The following TFEC variants were observed in gnomAD, a reference collection of about 807,000 sequenced individuals.
TFEC encodes transcription factor EC.
Under a neutral mutation model 41.6 loss-of-function variants are expected in TFEC, and 31 were observed. That is an observed-to-expected ratio of 0.74 (90% confidence interval 0.56 to 1.01). TFEC has a LOEUF of 1.01. Among genes scored for constraint, TFEC ranks in the 50% least tolerant of loss-of-function variants. The pLI, the probability that TFEC is intolerant of heterozygous loss-of-function variation, is 0.00. For missense variants in TFEC, 402 were observed against 404.1 expected (o/e 0.99, Z 0.04); for synonymous variants, 143 against 140.6 (o/e 1.02, Z -0.12).
chr7:115,943,964 T>A lies in TFEC; in HGVS notation c.516-1924A>T, dbSNP rs200426603. Among the ~76,000 whole-genome samples the A allele has an allele frequency of 9.1e-5, 12 of 132,014 alleles. No individual in the cohort carries two copies. The East Asian group carries it at 2.7e-3, about 29-fold the overall frequency. The allele number at this position is 132,014 out of a possible 152,430, so 86.6% of individuals were successfully genotyped here. ...CACTTAAAAGCATTAAAAAATAATT[T>A]TAAAAAAAGATTTTAAAAAGAAAGA... On this transcript the variant is annotated intron_variant, in intron 6 of 7. Coordinates refer to ENST00000265440, the MANE Select transcript of TFEC (RefSeq NM_012252.4).
At chr7:116,127,952 T>A (rs755604656) in intron 1 of TFEC, among the ~76,000 whole-genome samples, 5 of 152,162 alleles carry the variant, frequency 3.3e-5, no homozygotes, top group African/African-American at 4.8e-5. Flanking sequence ...TAAATATATG[T>A]ACAGTCTTTG....
At position 116,026,600 on chromosome 7, in the gene TFEC, A is replaced by G. The variant is rs928830401; in HGVS notation, c.-73+4033T>C. Among the ~76,000 whole-genome samples, 7 of 152,226 alleles carry G rather than the reference A, an allele frequency of 4.6e-5. No individual in the cohort carries two copies. In the East Asian group the frequency reaches 1.3e-3, roughly 29 times the overall value. On this transcript the variant is annotated intron_variant, in intron 1 of 7. Coordinates refer to ENST00000265440, the MANE Select transcript of TFEC (RefSeq NM_012252.4). ...TCTTCCTTCTCCAGAAAATGGTGTCATCAGTCATGTCACTGGGCAGATTCA... is the reference window on the plus strand; with the variant it reads ...TCTTCCTTCTCCAGAAAATGGTGTCGTCAGTCATGTCACTGGGCAGATTCA...
intron 3 of TFEC, among the ~76,000 whole-genome samples, chr7:116,068,205 T>C (rs113355466): frequency 7.2e-4 from 109 of 151,946 alleles, no homozygotes; most frequent in African/African-American, 2.2e-3. Context: ...TGTCGGGGGT[T>C]GGGAGACTTG....
chr7:115,942,673 A>G (rs1038226470), intron 6 of TFEC, among the ~76,000 whole-genome samples: 2 of 152,040 alleles, frequency 1.3e-5, no homozygotes, highest in African/African-American at 2.4e-5. Flanking sequence ...AGCTATTTTT[A>G]AATACATTTA....
chr7:116,077,331 C>T (rs1584487555), intron 3 of TFEC, among the ~76,000 whole-genome samples: 1 of 152,060 alleles, frequency 6.6e-6, no homozygotes, highest in South Asian at 2.1e-4. Flanking sequence ...CTCCTTAAAT[C>T]TCACAAGACC....
intron 2 of TFEC, among the ~76,000 whole-genome samples, chr7:116,111,464 G>A (rs746464486): frequency 3.3e-5 from 5 of 152,060 alleles, no homozygotes; most frequent in African/African-American, 9.6e-5. Flanking sequence ...ACATCTCCCC[G>A]GATGAAAGTT....
At chr7:115,993,170 A>G (rs1219353622) in intron 1 of TFEC, among the ~76,000 whole-genome samples, 1 of 152,234 alleles carries the variant, frequency 6.6e-6, no homozygotes, top group Non-Finnish European at 1.5e-5. Flanking sequence ...TTCATGCTAA[A>G]AACTCTCAAT....
chr7:116,008,774 AAC>A (rs1485565635), intron 1 of TFEC, among the ~76,000 whole-genome samples: 1 of 152,202 alleles, frequency 6.6e-6, no homozygotes, highest in East Asian at 1.9e-4. Context: ...ATTGAGATAT[AAC>A]TACTGAACTA....
chr7:115,944,013 A>ATTTTTTTTTTTTTTTTT (rs1160114562), intron 6 of TFEC, among the ~76,000 whole-genome samples: 623 of 22,822 alleles, frequency 0.027, 153 homozygotes, highest in Non-Finnish European at 0.046. Flanking sequence ...ACAGGTCTGA[A>ATTTTTTTTTTTTTTTTT]TTTTTTTTTT....
chr7:116,081,990 T>A (rs1057113931), intron 3 of TFEC, among the ~76,000 whole-genome samples: 3 of 151,996 alleles, frequency 2.0e-5, no homozygotes, highest in African/African-American at 7.2e-5. Context: ...TCCTTTCTTC[T>A]GCTCAGGAAG....
chr7:116,072,035 T>C (rs368811802), intron 3 of TFEC, among the ~76,000 whole-genome samples: 2 of 151,486 alleles, frequency 1.3e-5, no homozygotes, highest in East Asian at 1.9e-4. Context: ...TCTGGCTTCA[T>C]TGAAAACACA....
chr7:115,980,777 AC>A (rs1793595415), intron 2 of TFEC, among the ~76,000 whole-genome samples: 1 of 150,850 alleles, frequency 6.6e-6, no homozygotes, highest in African/African-American at 2.4e-5. Context: ...AACAAAAAAA[AC>A]AAAAAAAAAC....
chr7:115,937,228 T>C lies in TFEC; in HGVS notation c.*3323A>G, dbSNP rs1342007676. The C allele has an allele frequency of 6.6e-6, 1 of 151,746 alleles. No individual in the cohort carries two copies. Among genetic ancestry groups the C allele is most frequent in the Non-Finnish European group, 1.5e-5 (1 of 67,726 alleles). The allele number at this position is 151,746 out of a possible 1,614,324, so 9.4% of individuals were successfully genotyped here. A position where few individuals can be genotyped will look rare whatever the true frequency, so the allele number is the denominator to read the frequency against. Reference sequence around the variant, plus strand: ...GGAAGTTTTATTATAATTGTAATTATGAATTAAATCTTTAAATGAAAAGGG... The same window carrying C: ...GGAAGTTTTATTATAATTGTAATTACGAATTAAATCTTTAAATGAAAAGGG... On this transcript the variant is annotated 3_prime_UTR_variant, in exon 8 of 8. Transcript: ENST00000265440.
At chr7:115,974,580 G>A (rs1198692139) in intron 2 of TFEC, among the ~76,000 whole-genome samples, 1 of 145,964 alleles carries the variant, frequency 6.9e-6, no homozygotes, top group Non-Finnish European at 1.5e-5. Flanking sequence ...TAGTCTCTTG[G>A]AAATCAGTAT....
chr7:116,123,356 AT>A (rs1798147140), intron 1 of TFEC, among the ~76,000 whole-genome samples: 1 of 151,928 alleles, frequency 6.6e-6, no homozygotes, highest in Non-Finnish European at 1.5e-5. Context: ...TTAGTTTATG[AT>A]TCTAGTTTGT....
intron 3 of TFEC, among the ~76,000 whole-genome samples, chr7:116,103,670 C>T (rs989937702): frequency 2.0e-4 from 31 of 152,060 alleles, no homozygotes; most frequent in African/African-American, 6.5e-4. Context: ...CGTAGAGACA[C>T]GGTTATTCAT....
chr7:115,946,667 CCTT>C (rs1436832092), intron 6 of TFEC, among the ~76,000 whole-genome samples: 48 of 145,936 alleles, frequency 3.3e-4, no homozygotes, highest in Non-Finnish European at 2.1e-4. Flanking sequence ...TTCCTTCCTT[CCTT>C]CTTTTCTTTT....
At chr7:116,018,799 T>C (rs1454473532) in intron 1 of TFEC, among the ~76,000 whole-genome samples, 1 of 152,122 alleles carries the variant, frequency 6.6e-6, no homozygotes, top group Non-Finnish European at 1.5e-5. Flanking sequence ...GCTAAAACAA[T>C]GCCAGCTGGA....
At chr7:116,044,755 T>C (rs1470237786) in intron 3 of TFEC, among the ~76,000 whole-genome samples, 2 of 152,226 alleles carry the variant, frequency 1.3e-5, no homozygotes, top group Non-Finnish European at 2.9e-5. Flanking sequence ...CAGCTGCCTT[T>C]CTCAGGCTGG....
Sources: gnomAD v4.1 joint callset for allele counts (sites outside exome capture counted in the v4.1 genomes callset) on GRCh38, gnomAD v4.1.1 for gene constraint, MANE v1.5 for transcripts, NCBI Gene and HGNC (gene_info 2026-07-23, HGNC 2026-07-21) for gene names.